PREX2: variants seen among roughly 807,000 people sequenced by gnomAD.
PREX2 encodes the protein phosphatidylinositol 3,4,5-trisphosphate-dependent Rac exchanger 2 protein.
In PREX2, 107 loss-of-function variants were observed where a neutral mutation model predicts 203.2. The observed-to-expected ratio is 0.53, with a 90% CI of 0.45 to 0.62. The LOEUF (loss-of-function observed/expected upper bound fraction) is 0.62. PREX2 is among the 20% of genes least tolerant of loss of function. The pLI, the probability that PREX2 is intolerant of heterozygous loss-of-function variation, is 0.00. For missense variants in PREX2, 1,777 were observed against 1,955.9 expected (o/e 0.91, Z 1.72); for synonymous variants, 672 against 663.6 (o/e 1.01, Z -0.19).
intron 21 of PREX2, among the ~76,000 whole-genome samples, chr8:68,094,355 TGA>T (rs993263123): frequency 3.6e-4 from 55 of 152,244 alleles, no homozygotes; most frequent in African/African-American, 1.3e-3. Flanking sequence ...AGTGTGAAAA[TGA>T]GAGAGAAACA....
In PREX2 at chr8:68,164,885, C is replaced by A. The variant is rs548141274; in HGVS notation, c.4346+7449C>A. On this transcript the variant is annotated intron_variant, in intron 35 of 39. Coordinates refer to ENST00000288368, the MANE Select transcript of PREX2 (RefSeq NM_024870.4). ...GTGTGAGCCACTGAGCCCGGCCAAA[C>A]CTTTTTTTTTTTTTTTTTACCAAAG... is the stretch of plus-strand genomic sequence containing the variant. Among the ~76,000 whole-genome samples, 282 of 59,770 alleles carry A rather than the reference C, an allele frequency of 4.7e-3. 1 individual carries two copies. The highest frequency in any genetic ancestry group is 6.4e-3 in the Non-Finnish European group (207 of 32,364). 39.2% of individuals were successfully genotyped at this position (59,770 alleles called of 152,430 possible). A position where few individuals can be genotyped will look rare whatever the true frequency, so the allele number is the denominator to read the frequency against.
intron 35 of PREX2, among the ~76,000 whole-genome samples, chr8:68,158,062 AAT>A (rs3056774): frequency 0.43 from 62,794 of 147,732 alleles, 13,498 homozygotes; most frequent in African/African-American, 0.45. Context: ...TGTGTGTGTG[AAT>A]ATATATATGT....
In PREX2 at chr8:68,097,004, G is replaced by A. The variant is rs375662377; in HGVS notation, c.2369-13G>A. Reference sequence around the variant, plus strand: ...TTCATGAATTTACTGAGTTACAGTTGTCTTTGTTCCAGAGGTTATTGACAA... The same window carrying A: ...TTCATGAATTTACTGAGTTACAGTTATCTTTGTTCCAGAGGTTATTGACAA... On this transcript the variant is annotated splice_polypyrimidine_tract_variant and intron_variant, in intron 21 of 39. Coordinates refer to ENST00000288368, the MANE Select transcript of PREX2 (RefSeq NM_024870.4). 4.4e-6 allele frequency: 7 copies of A among 1,606,838 alleles called. No homozygotes were observed. Among genetic ancestry groups the A allele is most frequent in the Non-Finnish European group, 5.1e-6 (6 of 1,174,350 alleles).
chr8:68,207,086 G>A (rs920519078), intron 37 of PREX2, among the ~76,000 whole-genome samples: 2 of 152,036 alleles, frequency 1.3e-5, no homozygotes, highest in African/African-American at 4.8e-5. Flanking sequence ...GGACAATTTT[G>A]ATGATATAAC....
intron 14 of PREX2, among the ~76,000 whole-genome samples, chr8:68,076,955 C>T (rs1585763823): frequency 6.6e-6 from 1 of 151,942 alleles, no homozygotes. Context: ...CTTCAGGGGT[C>T]CTCACAGGGC....
rs1434756120 is a variant in PREX2 at position 68,232,137 on chromosome 8, GGCCCTGGGGATCAGGGAAGT to G, written c.*777_*796del. ...TGAATACTGGGTGCTGTGCCATAATGGCCCTGGGGATCAGGGAAGTGCCCTGGGGATCAGGGAGGGGAACC... is the reference window on the plus strand; with the variant it reads ...TGAATACTGGGTGCTGTGCCATAATGGCCCTGGGGATCAGGGAGGGGAACC... On this transcript the variant is annotated 3_prime_UTR_variant, in exon 40 of 40. Transcript: ENST00000288368. 1 of 152,184 alleles carries G rather than the reference GGCCCTGGGGATCAGGGAAGT, an allele frequency of 6.6e-6. No homozygotes were observed. The highest frequency in any genetic ancestry group is 1.5e-5 in the Non-Finnish European group (1 of 68,076). 9.4% of individuals were successfully genotyped at this position (152,184 alleles called of 1,614,324 possible).
chr8:68,006,193 G>C (rs146065578), intron 1 of PREX2, among the ~76,000 whole-genome samples: 52 of 152,290 alleles, frequency 3.4e-4, no homozygotes, highest in African/African-American at 1.2e-3. Flanking sequence ...CTGAGCTGGA[G>C]GGTAAGAGGA....
chr8:68,033,549 A>G (rs1427811344), intron 6 of PREX2, among the ~76,000 whole-genome samples: 2 of 152,192 alleles, frequency 1.3e-5, no homozygotes, highest in Non-Finnish European at 2.9e-5. Flanking sequence ...TAGCTTGCAG[A>G]GTCAATACAA....
At chr8:68,143,839 A>G (rs1377931738) in intron 33 of PREX2, among the ~76,000 whole-genome samples, 1 of 152,138 alleles carries the variant, frequency 6.6e-6, no homozygotes, top group East Asian at 1.9e-4. Flanking sequence ...ATTTAAGTCT[A>G]TAATTCATTT....
In PREX2 at chr8:68,234,146, C is replaced by T. The variant is rs1221731620; in HGVS notation, c.*2768C>T. On this transcript the variant is annotated 3_prime_UTR_variant, in exon 40 of 40. Transcript: ENST00000288368. ...ATACAACTTTATTATAATTCCAACA[C>T]AGTGGTAAGAGTAAAAAACATACCT... 1.3e-5 allele frequency: 2 copies of T among 152,074 alleles called. No individual in the cohort carries two copies. Among genetic ancestry groups the T allele is most frequent in the Non-Finnish European group, 2.9e-5 (2 of 67,994 alleles). 9.4% of individuals were successfully genotyped at this position (152,074 alleles called of 1,614,324 possible).
At chr8:68,186,616 C>G (rs190416073) in intron 35 of PREX2, among the ~76,000 whole-genome samples, 401 of 152,160 alleles carry the variant, frequency 2.6e-3, no homozygotes, top group Middle Eastern at 0.014. Context: ...TGGGTTCAAG[C>G]AATTCTCCTG....
intron 8 of PREX2, among the ~76,000 whole-genome samples, chr8:68,047,821 T>G (rs7463581): frequency 0.015 from 2,260 of 152,062 alleles, 49 homozygotes; most frequent in African/African-American, 0.051. Context: ...ATGACTAATT[T>G]CATTGATATA....
intron 4 of PREX2, among the ~76,000 whole-genome samples, chr8:68,025,306 C>T (rs13254915): frequency 0.15 from 22,617 of 151,638 alleles, 1,981 homozygotes; most frequent in African/African-American, 0.23. Flanking sequence ...TCTCAGTCAG[C>T]GCTTTGAATA....
rs767072135 is a variant in PREX2 at position 68,191,710 on chromosome 8, G to C, written c.4347-12G>C. On this transcript the variant is annotated splice_polypyrimidine_tract_variant and intron_variant, in intron 35 of 39. Coordinates refer to ENST00000288368, the MANE Select transcript of PREX2 (RefSeq NM_024870.4). ...AACAACAAATGATAATTTATTTCTT[G>C]GATTCTTACAGGGCATTCTACTTGG... The C allele has an allele frequency of 1.5e-5, 23 of 1,583,928 alleles. No individual in the cohort carries two copies. Among genetic ancestry groups the C allele is most frequent in the Non-Finnish European group, 2.0e-5 (23 of 1,153,916 alleles).
chr8:68,105,439 C>T, intron 23 of PREX2: 1 of 1,215,572 alleles, frequency 8.2e-7, no homozygotes, highest in Non-Finnish European at 1.1e-6. Flanking sequence ...AGGGGGACAT[C>T]CTGTATTCAC....
chr8:68,045,309 A>G (rs1336861091), intron 8 of PREX2, among the ~76,000 whole-genome samples: 1 of 152,152 alleles, frequency 6.6e-6, no homozygotes, highest in Non-Finnish European at 1.5e-5. Flanking sequence ...AATTTAAAAA[A>G]TATGCTTCTA....
At chr8:68,217,334 A>G (rs1812863463) in intron 37 of PREX2, among the ~76,000 whole-genome samples, 1 of 152,206 alleles carries the variant, frequency 6.6e-6, no homozygotes, top group African/African-American at 2.4e-5. Flanking sequence ...TTAGTAATAA[A>G]ACTTGTTCTA....
At position 68,083,240 on chromosome 8, in the gene PREX2, A is replaced by T. The variant is rs569614436; in HGVS notation, c.1879A>T (p.Met627Leu). 1 of 1,578,962 alleles carries T rather than the reference A, an allele frequency of 6.3e-7. No homozygotes were observed. ...TTATTTTTTGTAATTTCTCTCTTAGATGGCTGGCATGGAAGTCGGGAAAAA... is the reference window on the plus strand; with the variant it reads ...TTATTTTTTGTAATTTCTCTCTTAGTTGGCTGGCATGGAAGTCGGGAAAAA... ...KLVEKGSNAE[M>L]AGMEVGKKIF... The change falls in exon 18 of 40, where the codon ATG becomes TTG. Residue 627 changes from methionine to leucine, a missense_variant and splice_region_variant. By Grantham distance (15) the Met-to-Leu change is conservative. Transcript: ENST00000288368.
At chr8:68,020,113 AG>A (rs956613692) in intron 3 of PREX2, among the ~76,000 whole-genome samples, 131 of 111,264 alleles carry the variant, frequency 1.2e-3, no homozygotes, top group African/African-American at 4.9e-3. Context: ...ACCCAGTAGC[AG>A]GAATTTTCCC....
Sources: allele counts gnomAD v4.1 joint callset (sites outside exome capture counted in the v4.1 genomes callset), GRCh38; gene constraint gnomAD v4.1.1; transcripts MANE v1.5; gene names NCBI Gene and HGNC (gene_info 2026-07-23, HGNC 2026-07-21).